The following SAA2 variants were observed in gnomAD, a reference collection of about 807,000 sequenced individuals.
The protein encoded by SAA2 is serum amyloid A-2 protein.
A neutral mutation model predicts 9.1 loss-of-function variants in SAA2; 5 were observed. The observed-to-expected ratio is 0.55, with a 90% CI of 0.29 to 1.16. The LOEUF (loss-of-function observed/expected upper bound fraction) is 1.16. SAA2 is among the 50% of genes most tolerant of loss of function. The pLI is 0.09. For synonymous variants in SAA2, 49 were observed against 59.8 expected (o/e 0.82, Z 0.83); for missense variants, 94 against 153.8 (o/e 0.61, Z 2.06).
Position 18,245,445 on chromosome 11 carries a change from T to C in SAA2, c.301A>G (p.Asn101Asp). The C allele has an allele frequency of 6.2e-7, 1 of 1,614,212 alleles. No homozygotes were observed. The highest frequency in any genetic ancestry group is 1.1e-5 in the South Asian group (1 of 91,086). The change falls in exon 4 of 4, where the codon AAT becomes GAT. Residue 101 changes from asparagine to aspartate, a missense_variant. Around this residue, in one of 2 missense-constraint regions of SAA2, gnomAD observed 62 missense variants for 58.3 expected, o/e 1.06. Coordinates refer to ENST00000256733, the MANE Select transcript of SAA2 (RefSeq NM_030754.5). Reference sequence around the variant, plus strand: ...TCTCTGCCACTCCTGCCCCATTTATTGGCAGCCTGATCGGCCAGCGAGTCC... The same window carrying C: ...TCTCTGCCACTCCTGCCCCATTTATCGGCAGCCTGATCGGCCAGCGAGTCC... ...AEDSLADQAA[N>D]KWGRSGRDPN...
chr11:18,242,714 C>A, downstream of SAA2: 1 of 690,498 alleles, frequency 1.4e-6, no homozygotes, highest in Non-Finnish European at 2.6e-6. Flanking sequence ...AGTGTCATGG[C>A]GCACATCTGC....
downstream of SAA2, among the ~76,000 whole-genome samples, chr11:18,241,131 T>C (rs534913025): frequency 3.7e-4 from 56 of 152,220 alleles, no homozygotes; most frequent in African/African-American, 1.3e-3. Flanking sequence ...TCACTAATCA[T>C]CAGAGTCACA....
Position 18,246,477 on chromosome 11 carries a change from G to A in SAA2, c.92-429C>T, listed in dbSNP as rs547399992. 4.9e-4 allele frequency among the ~76,000 whole-genome samples: 75 copies of A among 152,336 alleles called. 3 individuals carry two copies. The South Asian group carries it at 0.014, about 29-fold the overall frequency. On this transcript the variant is annotated intron_variant, in intron 2 of 3. Transcript: ENST00000256733. The stretch of plus-strand genomic sequence containing the variant: ...TTTCTCAGTAGGCTGTACTGATACT[G>A]TGGGTTGCTTGAGGAAGCAATAGAG...
Position 18,247,957 on chromosome 11 carries a change from G to C in SAA2, c.55C>G (p.Arg19Gly). ...TCGCCAAGGAACGAAAAGAAGCTTC[G>C]GCTGCTGACACTCAGGACCAAGGAG... ...FCSLVLSVSS[R>G]SFFSFLGEAF... Residue 19 changes from arginine (R) to glycine (G), a missense_variant, in exon 2 of 4, where the codon CGA (arginine) becomes GGA (glycine). Physicochemically the swap from Arg to Gly is moderately radical, Grantham distance 125 (BLOSUM62 -2). Around this residue, in one of 2 missense-constraint regions of SAA2, gnomAD observed 32 missense variants for 95.5 expected, o/e 0.34. Coordinates refer to ENST00000256733, the MANE Select transcript of SAA2 (RefSeq NM_030754.5). 1 of 1,613,730 alleles carries C rather than the reference G, an allele frequency of 6.2e-7. No individual in the cohort carries two copies.
downstream of SAA2, among the ~76,000 whole-genome samples, chr11:18,240,567 A>T (rs1187374869): frequency 6.6e-6 from 1 of 152,242 alleles, no homozygotes; most frequent in African/African-American, 2.4e-5. Flanking sequence ...ACCCAAAAAT[A>T]AAACCCCATA....
intron 3 of SAA2, chr11:18,240,074 G>A (rs545165263): frequency 9.0e-5 from 129 of 1,437,044 alleles, no homozygotes; most frequent in African/African-American, 6.9e-4. Context: ...ATGGGGTACC[G>A]GTGATTATAT....
At chr11:18,238,645 T>C (rs1021462314), downstream of SAA2, among the ~76,000 whole-genome samples, 3 of 152,208 alleles carry the variant, frequency 2.0e-5, no homozygotes, top group Non-Finnish European at 4.4e-5. Context: ...CAAGCATTTA[T>C]CCTTTGTGTT....
downstream of SAA2, among the ~76,000 whole-genome samples, chr11:18,241,777 T>A (rs1213484163): frequency 6.6e-6 from 1 of 152,130 alleles, no homozygotes; most frequent in Non-Finnish European, 1.5e-5. Flanking sequence ...GGGCCGAGGA[T>A]TGAGAAATTA....
chr11:18,238,714 G>C, downstream of SAA2, among the ~76,000 whole-genome samples: 1 of 151,998 alleles, frequency 6.6e-6, no homozygotes, highest in African/African-American at 2.4e-5. Context: ...AATTATTACT[G>C]ACTATAGTCC....
chr11:18,241,557 A>G (rs1590011073), downstream of SAA2, among the ~76,000 whole-genome samples: 2 of 152,340 alleles, frequency 1.3e-5, no homozygotes, highest in East Asian at 1.9e-4. Context: ...TATATACACC[A>G]TAGAATACTA....
At chr11:18,243,414 A>T (rs566169317), downstream of SAA2, among the ~76,000 whole-genome samples, 16 of 152,346 alleles carry the variant, frequency 1.1e-4, no homozygotes, top group South Asian at 6.2e-4. Flanking sequence ...AAGCATTTAC[A>T]ATTGCTATTG....
exon 4 of SAA2, chr11:18,239,946 C>A (rs1857293855): frequency 6.4e-7 from 1 of 1,550,772 alleles, no homozygotes; most frequent in East Asian, 2.4e-5. Context: ...TTCCTTCACT[C>A]TCTACAGTTC....
downstream of SAA2, among the ~76,000 whole-genome samples, chr11:18,241,551 T>C (rs1857345817): frequency 6.6e-6 from 1 of 152,214 alleles, no homozygotes; most frequent in East Asian, 1.9e-4. Context: ...TACACATATA[T>C]ACACCATAGA....
downstream of SAA2, among the ~76,000 whole-genome samples, chr11:18,241,780 A>G (rs765381964): frequency 5.3e-5 from 8 of 152,166 alleles, no homozygotes; most frequent in Non-Finnish European, 1.0e-4. Context: ...CCGAGGATTG[A>G]GAAATTACCT....
chr11:18,241,063 G>A (rs78037726), downstream of SAA2, among the ~76,000 whole-genome samples: 1,854 of 152,198 alleles, frequency 0.012, 36 homozygotes, highest in African/African-American at 0.042. Context: ...GACATGAACA[G>A]GTATTTTTCA....
chr11:18,241,226 A>G (rs932224847), downstream of SAA2, among the ~76,000 whole-genome samples: 5 of 152,184 alleles, frequency 3.3e-5, no homozygotes, highest in African/African-American at 7.2e-5. Context: ...TAAAATGTCA[A>G]AAAAACAACA....
At chr11:18,240,422 A>G (rs1590010322), downstream of SAA2, 1 of 643,794 alleles carries the variant, frequency 1.6e-6, no homozygotes, top group East Asian at 2.7e-5. Flanking sequence ...GGCCTTTAAA[A>G]TAATCAGCCT....
intron 3 of SAA2, 106 bp downstream of exon 3, chr11:18,245,804 G>A (rs1857500957): frequency 1.4e-6 from 2 of 1,395,692 alleles, no homozygotes; most frequent in South Asian, 1.4e-5. Flanking sequence ...AGAAGAGGAG[G>A]GACCACAGCC....
chr11:18,244,702 C>T (rs905811348), downstream of SAA2, among the ~76,000 whole-genome samples: 1 of 152,178 alleles, frequency 6.6e-6, no homozygotes, highest in African/African-American at 2.4e-5. Flanking sequence ...GCTCCAGAAA[C>T]TCAGAAAACA....
Sources: gnomAD v4.1 joint callset for allele counts (sites outside exome capture counted in the v4.1 genomes callset) on GRCh38, gnomAD v4.1.1 for gene constraint, gnomAD v4.1.1 regional missense constraint, MANE v1.5 for transcripts, NCBI Gene and HGNC (gene_info 2026-07-23, HGNC 2026-07-21) for gene names.